PRKN: variants seen among roughly 807,000 people sequenced by gnomAD.
PRKN encodes E3 ubiquitin-protein ligase parkin.
Under a neutral mutation model 59.5 loss-of-function variants are expected in PRKN, and 56 were observed. The observed-to-expected ratio is 0.94, with a 90% CI of 0.76 to 1.18. The LOEUF (loss-of-function observed/expected upper bound fraction) is 1.18. Among genes scored for constraint, PRKN ranks in the 50% most tolerant of loss-of-function variants. The probability of loss-of-function intolerance (pLI) is 0.00; values close to 1 mark genes in which losing one functional copy is unlikely to be tolerated. For missense variants in PRKN, 657 were observed against 596.4 expected, an observed-to-expected ratio of 1.10 and a Z score of -1.06; for synonymous variants, 250 against 222.1, an observed-to-expected ratio of 1.13 and a Z score of -1.12.
At chr6:162,121,342 G>A (rs1780907212) in intron 4 of PRKN, among the ~76,000 whole-genome samples, 1 of 152,110 alleles carries the variant, frequency 6.6e-6, no homozygotes, top group Non-Finnish European at 1.5e-5. Flanking sequence ...AGTTCTTGGG[G>A]GTTGAATGCT....
chr6:161,850,270 A>G (rs1262250628), intron 6 of PRKN, among the ~76,000 whole-genome samples: 2 of 152,168 alleles, frequency 1.3e-5, no homozygotes, highest in African/African-American at 2.4e-5. Flanking sequence ...CCAGGGAAAC[A>G]TAAGGGAAAG....
chr6:162,072,088 A>T (rs955777391), intron 4 of PRKN, among the ~76,000 whole-genome samples: 2 of 152,106 alleles, frequency 1.3e-5, no homozygotes, highest in Non-Finnish European at 2.9e-5. Context: ...GATTGTGGGG[A>T]TGGAATACTG....
chr6:162,499,271 A>G (rs974726064), intron 1 of PRKN, among the ~76,000 whole-genome samples: 40 of 152,140 alleles, frequency 2.6e-4, no homozygotes, highest in African/African-American at 8.0e-4. Flanking sequence ...ATATGACCTT[A>G]AAGACTTACC....
At chr6:162,266,986 C>G (rs1780171084) in intron 2 of PRKN, among the ~76,000 whole-genome samples, 1 of 151,846 alleles carries the variant, frequency 6.6e-6, no homozygotes. Flanking sequence ...AAAATCGATA[C>G]AAAAAAATAA....
intron 5 of PRKN, among the ~76,000 whole-genome samples, chr6:161,994,581 A>G (rs1781770338): frequency 6.6e-6 from 1 of 152,134 alleles, no homozygotes; most frequent in Admixed American, 6.6e-5. Context: ...CCTAGACTCC[A>G]CCAAAAAACT....
At chr6:162,107,634 C>T (rs923805875) in intron 4 of PRKN, among the ~76,000 whole-genome samples, 59 of 152,176 alleles carry the variant, frequency 3.9e-4, no homozygotes, top group Non-Finnish European at 6.2e-4. Context: ...CCTTTGTTAA[C>T]CCTGGCTGTT....
In PRKN at chr6:161,440,595, A is replaced by G. The variant is rs1242435555; in HGVS notation, c.1084-53718T>C. On this transcript the variant is annotated intron_variant, in intron 9 of 11. Coordinates refer to ENST00000366898, the MANE Select transcript of PRKN (RefSeq NM_004562.3). This position sits in a 1 kb window ranked among gnomAD's most constrained non-coding sequence, Gnocchi z 4.1. ...GTCTGGGAGTTGCTGGAAATGGATA[A>G]GAAAATCCTAGTTCTACCTCGCAGA... is the stretch of plus-strand genomic sequence containing the variant. Among the ~76,000 whole-genome samples, 2 of 152,236 alleles carry G rather than the reference A, an allele frequency of 1.3e-5. No individual in the cohort carries two copies. The highest frequency in any genetic ancestry group is 3.9e-4 in the East Asian group (2 of 5,192).
At chr6:162,404,305 G>A (rs1414360858) in intron 2 of PRKN, among the ~76,000 whole-genome samples, 1 of 151,192 alleles carries the variant, frequency 6.6e-6, no homozygotes, top group Non-Finnish European at 1.5e-5. Context: ...AGGAGGTGGA[G>A]GTTGCAGTGA....
chr6:162,454,844 G>A (rs1583600362), intron 1 of PRKN, among the ~76,000 whole-genome samples: 1 of 152,224 alleles, frequency 6.6e-6, no homozygotes, highest in Non-Finnish European at 1.5e-5. Context: ...AAAGGAGCAT[G>A]CCTTGAACAA....
At chr6:162,009,461 C>G (rs1782394493) in intron 5 of PRKN, among the ~76,000 whole-genome samples, 1 of 151,874 alleles carries the variant, frequency 6.6e-6, no homozygotes, top group Non-Finnish European at 1.5e-5. Context: ...CCACAAACCA[C>G]AACCGTCAGA....
chr6:162,019,523 C>T (rs1783053869), intron 5 of PRKN, among the ~76,000 whole-genome samples: 2 of 152,116 alleles, frequency 1.3e-5, no homozygotes, highest in African/African-American at 4.8e-5. Flanking sequence ...AATAACTTCC[C>T]CTGGAACGCT....
At chr6:161,800,194 G>A (rs749686452) in intron 6 of PRKN, among the ~76,000 whole-genome samples, 2 of 152,154 alleles carry the variant, frequency 1.3e-5, no homozygotes, top group African/African-American at 2.4e-5. Context: ...ATCCAAGTAA[G>A]AAAAGAGAGT....
intron 6 of PRKN, among the ~76,000 whole-genome samples, chr6:161,905,579 T>A (rs1445759243): frequency 6.6e-6 from 1 of 152,276 alleles, no homozygotes; most frequent in South Asian, 2.1e-4. Context: ...CCTTTTCAGA[T>A]CCGCTTCCAA....
intron 2 of PRKN, among the ~76,000 whole-genome samples, chr6:162,417,613 G>A (rs1488527544): frequency 6.6e-6 from 1 of 152,204 alleles, no homozygotes; most frequent in African/African-American, 2.4e-5. Flanking sequence ...AGCACTGAGG[G>A]CCAGATGGTA....
chr6:161,774,378 C>T (rs997252194), intron 7 of PRKN, among the ~76,000 whole-genome samples: 76 of 125,792 alleles, frequency 6.0e-4, no homozygotes, highest in African/African-American at 2.2e-3. Flanking sequence ...TTTCTACTCC[C>T]TGAGCACACA....
Position 161,399,651 on chromosome 6 carries a change from C to T in PRKN, c.1084-12774G>A, listed in dbSNP as rs1207097843. On this transcript the variant is annotated intron_variant, in intron 9 of 11. Coordinates refer to ENST00000366898, the MANE Select transcript of PRKN (RefSeq NM_004562.3). The surrounding 1 kb of genome is among the most constrained non-coding windows in gnomAD (Gnocchi z 4.4). Reference sequence around the variant, plus strand: ...TCAGCAGTAAGAAGAGGAAGGTGAACTGGGACCAATGGAGTTTGCTGGAAA... The same window carrying T: ...TCAGCAGTAAGAAGAGGAAGGTGAATTGGGACCAATGGAGTTTGCTGGAAA... Among the ~76,000 whole-genome samples the T allele has an allele frequency of 6.6e-6, 1 of 152,134 alleles. No individual in the cohort carries two copies. Among genetic ancestry groups the T allele is most frequent in the Non-Finnish European group, 1.5e-5 (1 of 68,042 alleles).
intron 9 of PRKN, among the ~76,000 whole-genome samples, chr6:161,493,962 C>T (rs183799368): frequency 2.0e-5 from 3 of 152,284 alleles, no homozygotes; most frequent in East Asian, 1.9e-4. Flanking sequence ...AAGGCAGGGA[C>T]GCTCGATCAG....
Position 161,401,244 on chromosome 6 carries a change from G to A in PRKN, c.1084-14367C>T, listed in dbSNP as rs966499580. On this transcript the variant is annotated intron_variant, in intron 9 of 11. Coordinates refer to ENST00000366898, the MANE Select transcript of PRKN (RefSeq NM_004562.3). The surrounding 1 kb of genome is among the most constrained non-coding windows in gnomAD (Gnocchi z 4.4). ...CTTTCATTTGTGATAGTTCAGTCAC[G>A]TCCTGGGGAATTGAGGAGAAGATCC... 2.0e-5 allele frequency among the ~76,000 whole-genome samples: 3 copies of A among 152,134 alleles called. No homozygotes were observed. Among genetic ancestry groups the A allele is most frequent in the African/African-American group, 7.2e-5 (3 of 41,424 alleles).
intron 2 of PRKN, among the ~76,000 whole-genome samples, chr6:162,393,384 A>G (rs547791025): frequency 2.4e-3 from 363 of 150,226 alleles, no homozygotes; most frequent in Admixed American, 4.3e-3. Flanking sequence ...TTGGTCTCAA[A>G]CTCCTGACCT....
Sources: gnomAD v4.1 joint callset for allele counts (sites outside exome capture counted in the v4.1 genomes callset) on GRCh38, gnomAD v4.1.1 for gene constraint, Gnocchi (gnomAD v3.1) non-coding constraint, MANE v1.5 for transcripts, NCBI Gene and HGNC (gene_info 2026-07-23, HGNC 2026-07-21) for gene names.